Variants in FHOD3 observed in about 807,000 individuals in gnomAD.
FHOD3 encodes FH1/FH2 domain-containing protein 3.
FHOD3 carries 90 observed loss-of-function variants against 173.0 expected under a neutral mutation model. The ratio of observed to expected loss-of-function variants is 0.52; its 90% CI spans 0.44 to 0.62. The LOEUF (loss-of-function observed/expected upper bound fraction) is 0.62, where lower values mean the gene tolerates loss of function less well. FHOD3 is among the 20% of genes least tolerant of loss of function. The pLI is 0.00. For missense variants in FHOD3, 1,945 were observed against 2,034.7 expected, an observed-to-expected ratio of 0.96 and a Z score of 0.85; for synonymous variants, 828 against 823.0, an observed-to-expected ratio of 1.01 and a Z score of -0.10.
At chr18:36,647,501 T>C (rs1254394689) in intron 10 of FHOD3, among the ~76,000 whole-genome samples, 1 of 146,612 alleles carries the variant, frequency 6.8e-6, no homozygotes, top group Non-Finnish European at 1.5e-5. Flanking sequence ...CTACTACTTA[T>C]GGGGATGGTA....
At chr18:36,354,376 A>C (rs1372003328) in intron 1 of FHOD3, among the ~76,000 whole-genome samples, 2 of 152,044 alleles carry the variant, frequency 1.3e-5, no homozygotes, top group African/African-American at 4.8e-5. Flanking sequence ...AATGAGGAGG[A>C]CTCATTTTAC....
intron 10 of FHOD3, among the ~76,000 whole-genome samples, chr18:36,626,325 ATGATCTC>A (rs1338141011): frequency 6.6e-6 from 1 of 152,234 alleles, no homozygotes; most frequent in African/African-American, 2.4e-5. Context: ...ATAGAAAGGT[ATGATCTC>A]TGTCCCTTTG....
At chr18:36,700,384 G>A (rs936101504) in intron 17 of FHOD3, among the ~76,000 whole-genome samples, 4 of 152,096 alleles carry the variant, frequency 2.6e-5, no homozygotes, top group African/African-American at 4.8e-5. Context: ...ACCCCCACCC[G>A]AAACCTGCTT....
chr18:36,378,147 A>T (rs2047540143), intron 3 of FHOD3, among the ~76,000 whole-genome samples: 1 of 152,136 alleles, frequency 6.6e-6, no homozygotes. Context: ...TCTTCCAAAG[A>T]TGTTCATCTT....
At chr18:36,486,061 C>T (rs2054176635) in intron 3 of FHOD3, among the ~76,000 whole-genome samples, 1 of 152,214 alleles carries the variant, frequency 6.6e-6, no homozygotes, top group Non-Finnish European at 1.5e-5. Context: ...CTAAGTTCCT[C>T]AACACCACCA....
At chr18:36,611,834 G>A in intron 8 of FHOD3, 118 bp from the exon 9 acceptor site, 2 of 992,158 alleles carry the variant, frequency 2.0e-6, no homozygotes, top group Non-Finnish European at 1.5e-6. Flanking sequence ...TCATCTGTCT[G>A]GATTGATTAG....
intron 9 of FHOD3, among the ~76,000 whole-genome samples, chr18:36,622,101 C>T (rs935888897): frequency 4.6e-5 from 7 of 152,122 alleles, no homozygotes; most frequent in Non-Finnish European, 1.0e-4. Flanking sequence ...ACAAATACTG[C>T]ATATTTTCAC....
chr18:36,700,973 C>T (rs2039553970), intron 17 of FHOD3, among the ~76,000 whole-genome samples: 1 of 152,334 alleles, frequency 6.6e-6, no homozygotes, highest in African/African-American at 2.4e-5. Flanking sequence ...GCATCTTGTG[C>T]ACAGTTGGGA....
chr18:36,756,542 A>G (rs1326381457), intron 25 of FHOD3, among the ~76,000 whole-genome samples: 1 of 152,154 alleles, frequency 6.6e-6, no homozygotes, highest in African/African-American at 2.4e-5. Flanking sequence ...ACCTCACTGA[A>G]GCCGCCCTAT....
chr18:36,633,662 A>G (rs2034672303), intron 10 of FHOD3, among the ~76,000 whole-genome samples: 1 of 152,234 alleles, frequency 6.6e-6, no homozygotes. Context: ...GCCTGCACTC[A>G]GAACCTAACA....
At chr18:36,614,048 A>AATTTAATGGTTTT (rs1427291144) in intron 9 of FHOD3, among the ~76,000 whole-genome samples, 1 of 152,134 alleles carries the variant, frequency 6.6e-6, no homozygotes, top group African/African-American at 2.4e-5. Context: ...TAAAGTGTAC[A>AATTTAATGGTTTT]ATTTAATGGT....
chr18:36,517,093 G>A (rs886215071), intron 5 of FHOD3, among the ~76,000 whole-genome samples: 5 of 152,144 alleles, frequency 3.3e-5, no homozygotes, highest in African/African-American at 9.7e-5. Context: ...GCTGTCCAAA[G>A]CTGTGAGCAG....
intron 12 of FHOD3, 40 bp downstream of exon 12, chr18:36,652,969 G>A (rs1232816325): frequency 1.4e-5 from 21 of 1,501,276 alleles, no homozygotes; most frequent in South Asian, 5.1e-5. Context: ...AGATTAACTC[G>A]GGGAGGAGAA....
rs140230183 is a variant in FHOD3, at chr18:36,603,321, G to A, written c.813+553G>A. ...ACCACAGCTGCAGTGTGCAGTACGG[G>A]AGAAAATCCTTTATGCGACACGTGG... On this transcript the variant is annotated intron_variant, in intron 8 of 28. Transcript: ENST00000590592. Among the ~76,000 whole-genome samples, 29 of 152,126 alleles carry A rather than the reference G, an allele frequency of 1.9e-4. No homozygotes were observed. The East Asian group carries it at 5.0e-3, about 26-fold the overall frequency.
At chr18:36,496,337 T>A (rs1372892063) in intron 3 of FHOD3, among the ~76,000 whole-genome samples, 1 of 152,232 alleles carries the variant, frequency 6.6e-6, no homozygotes, top group Non-Finnish European at 1.5e-5. Context: ...GTGAAATGCC[T>A]GCTGGATCCT....
chr18:36,722,923 C>A (rs1226031725), intron 19 of FHOD3, among the ~76,000 whole-genome samples: 1 of 151,946 alleles, frequency 6.6e-6, no homozygotes, highest in Non-Finnish European at 1.5e-5. Context: ...AAGTTCAGGA[C>A]ATAATAAGTT....
At chr18:36,553,704 C>G (rs1477315293) in intron 5 of FHOD3, among the ~76,000 whole-genome samples, 4 of 152,106 alleles carry the variant, frequency 2.6e-5, no homozygotes, top group Admixed American at 2.6e-4. Context: ...AGGCAACCCA[C>G]AGAATGGGAG....
chr18:36,691,549 T>TA (rs2038962893), intron 16 of FHOD3, among the ~76,000 whole-genome samples: 1 of 151,778 alleles, frequency 6.6e-6, no homozygotes, highest in Non-Finnish European at 1.5e-5. Flanking sequence ...AGTGGCTTTT[T>TA]CTTGCTGGCC....
intron 3 of FHOD3, among the ~76,000 whole-genome samples, chr18:36,498,338 T>C (rs2145949520): frequency 6.6e-6 from 1 of 152,132 alleles, no homozygotes; most frequent in South Asian, 2.1e-4. Context: ...AAGGAAATAA[T>C]GAAATAGAAA....
Sources: allele counts gnomAD v4.1 joint callset (sites outside exome capture counted in the v4.1 genomes callset), GRCh38; gene constraint gnomAD v4.1.1; transcripts MANE v1.5; gene names NCBI Gene and HGNC (gene_info 2026-07-23, HGNC 2026-07-21).